Variants in ME3 observed in about 807,000 individuals in gnomAD.
ME3 encodes malic enzyme 3, also known as NADP-dependent malic enzyme, mitochondrial.
A neutral mutation model predicts 68.9 loss-of-function variants in ME3; 48 were observed. The observed-to-expected ratio is 0.70, with a 90% confidence interval of 0.55 to 0.89. The LOEUF (loss-of-function observed/expected upper bound fraction) is 0.89. Among genes scored for constraint, ME3 ranks in the 40% least tolerant of loss-of-function variants. ME3 has a pLI of 0.00. For synonymous variants in ME3, 320 were observed against 318.8 expected (o/e 1.00, Z -0.04); for missense variants, 675 against 797.4 (o/e 0.85, Z 1.85).
At chr11:86,588,126 G>A (rs141188112) in intron 2 of ME3, among the ~76,000 whole-genome samples, 93 of 152,284 alleles carry the variant, frequency 6.1e-4, no homozygotes, top group Middle Eastern at 3.4e-3. Context: ...GCTAAGCTGT[G>A]GCATGAACAA....
At chr11:86,452,329 G>C (rs767227120) in intron 8 of ME3, among the ~76,000 whole-genome samples, 3 of 152,200 alleles carry the variant, frequency 2.0e-5, no homozygotes, top group Non-Finnish European at 4.4e-5. Flanking sequence ...TTACTTTTCT[G>C]GCTGTTGTGA....
At chr11:86,514,521 A>G (rs368640795) in intron 4 of ME3, among the ~76,000 whole-genome samples, 8 of 152,234 alleles carry the variant, frequency 5.3e-5, no homozygotes, top group African/African-American at 1.7e-4. Flanking sequence ...AAGCACTGAC[A>G]AGTGATGAGG....
intron 2 of ME3, among the ~76,000 whole-genome samples, chr11:86,600,214 C>A (rs4500512): frequency 0.27 from 40,624 of 151,420 alleles, 5,692 homozygotes; most frequent in African/African-American, 0.35. Context: ...ACCCATCTCA[C>A]GTGCAGAGAC....
chr11:86,479,054 T>C (rs1378856429), intron 7 of ME3, among the ~76,000 whole-genome samples: 2 of 152,206 alleles, frequency 1.3e-5, no homozygotes, highest in Non-Finnish European at 2.9e-5. Flanking sequence ...GTATTTGTAT[T>C]AGTAAATTGA....
chr11:86,670,941 G>A (rs1946892729), intron 2 of ME3, among the ~76,000 whole-genome samples: 1 of 152,198 alleles, frequency 6.6e-6, no homozygotes, highest in Non-Finnish European at 1.5e-5. Context: ...AATGAGATAT[G>A]TGAGTTAATT....
intron 4 of ME3, among the ~76,000 whole-genome samples, chr11:86,512,756 G>C (rs1002253177): frequency 2.6e-5 from 4 of 152,130 alleles, no homozygotes; most frequent in Admixed American, 2.6e-4. Context: ...GCACTAAAGT[G>C]GGGCAGGGTA....
intron 2 of ME3, among the ~76,000 whole-genome samples, chr11:86,577,550 C>T (rs1339864671): frequency 6.6e-6 from 1 of 152,152 alleles, no homozygotes; most frequent in East Asian, 1.9e-4. Context: ...TCACTTGGCA[C>T]AGTGTTGGTA....
chr11:86,540,417 T>C (rs1955966745), intron 4 of ME3, among the ~76,000 whole-genome samples: 1 of 152,182 alleles, frequency 6.6e-6, no homozygotes, highest in African/African-American at 2.4e-5. Context: ...GCTCTGGGTC[T>C]CTTCTTTGGC....
intron 7 of ME3, among the ~76,000 whole-genome samples, chr11:86,475,658 G>A (rs7107136): frequency 0.5 from 75,813 of 151,568 alleles, 19,301 homozygotes; most frequent in South Asian, 0.57. Context: ...CTCATTATCT[G>A]GCCTTGGGGA....
At chr11:86,542,108 A>G (rs1956083180) in intron 4 of ME3, among the ~76,000 whole-genome samples, 1 of 152,218 alleles carries the variant, frequency 6.6e-6, no homozygotes. Context: ...AATAGCATCA[A>G]CATCAACAAA....
At chr11:86,467,433 T>G (rs1950536890) in intron 7 of ME3, among the ~76,000 whole-genome samples, 1 of 152,040 alleles carries the variant, frequency 6.6e-6, no homozygotes, top group Non-Finnish European at 1.5e-5. Context: ...TGCACAAATA[T>G]AATGCCATGC....
intron 5 of ME3, among the ~76,000 whole-genome samples, chr11:86,508,011 T>C (rs1953212146): frequency 6.6e-6 from 1 of 152,158 alleles, no homozygotes; most frequent in African/African-American, 2.4e-5. Flanking sequence ...TTTTGCATTC[T>C]ATAACGTATA....
At chr11:86,481,203 A>C (rs1240609311) in intron 7 of ME3, among the ~76,000 whole-genome samples, 1 of 127,252 alleles carries the variant, frequency 7.9e-6, no homozygotes, top group Admixed American at 9.4e-5. Flanking sequence ...CACCACACCC[A>C]GCTGATTTTT....
intron 4 of ME3, among the ~76,000 whole-genome samples, chr11:86,535,135 C>T (rs1184502857): frequency 6.6e-6 from 1 of 152,144 alleles, no homozygotes; most frequent in African/African-American, 2.4e-5. Flanking sequence ...CTGTATTTGT[C>T]CTGCTATTAC....
chr11:86,658,911 ACTC>A (rs1946096857), intron 2 of ME3, among the ~76,000 whole-genome samples: 1 of 151,992 alleles, frequency 6.6e-6, no homozygotes, highest in Non-Finnish European at 1.5e-5. Context: ...AACCATCTCT[ACTC>A]CTGTTTCATC....
chr11:86,589,404 G>GATA (rs1565178180), intron 2 of ME3, among the ~76,000 whole-genome samples: 2,407 of 151,786 alleles, frequency 0.016, 56 homozygotes, highest in African/African-American at 0.056. Flanking sequence ...AATGAATGAT[G>GATA]AATGAATGAA....
At chr11:86,446,995 C>A in intron 12 of ME3, 70 bp downstream of exon 12, 2 of 1,558,864 alleles carry the variant, frequency 1.3e-6, no homozygotes, top group South Asian at 1.2e-5. Context: ...ATTTTTCACC[C>A]TCATGAGGTT....
At chr11:86,493,811 G>T (rs1410618917) in intron 6 of ME3, among the ~76,000 whole-genome samples, 3 of 152,198 alleles carry the variant, frequency 2.0e-5, no homozygotes, top group Non-Finnish European at 4.4e-5. Flanking sequence ...ACCTGGAGGG[G>T]TGTTGTCTTT....
chr11:86,603,548 G>A (rs1419517906), intron 2 of ME3, among the ~76,000 whole-genome samples: 3 of 152,118 alleles, frequency 2.0e-5, no homozygotes, highest in African/African-American at 7.2e-5. Context: ...GATTCCTCAG[G>A]GATCTAGAAC....
Sources: allele counts gnomAD v4.1 joint callset (sites outside exome capture counted in the v4.1 genomes callset), GRCh38; gene constraint gnomAD v4.1.1; transcripts MANE v1.5; gene names NCBI Gene and HGNC (gene_info 2026-07-23, HGNC 2026-07-21).